NIBAN3: variants seen among roughly 807,000 people sequenced by gnomAD.
NIBAN3 encodes the protein protein Niban 3.
A neutral mutation model predicts 76.4 loss-of-function variants in NIBAN3; 66 were observed. That is an observed-to-expected ratio of 0.86 (90% confidence interval 0.71 to 1.06). The LOEUF is 1.06. Ranked by LOEUF, NIBAN3 falls within the 50% of genes least tolerant of loss-of-function variation. The probability of loss-of-function intolerance (pLI) is 0.00; values close to 1 mark genes in which losing one functional copy is unlikely to be tolerated. For missense variants in NIBAN3, 808 were observed against 810.7 expected (o/e 1.00, Z 0.04); for synonymous variants, 360 against 355.2 (o/e 1.01, Z -0.15).
chr19:17,551,402 C>CT (rs1233102448), intron 14 of NIBAN3, among the ~76,000 whole-genome samples: 1 of 150,014 alleles, frequency 6.7e-6, no homozygotes, highest in East Asian at 2.0e-4. Flanking sequence ...GCCTACATTT[C>CT]TTTTTTTTTA....
At chr19:17,526,486 A>C (rs1436648698), upstream of NIBAN3, among the ~76,000 whole-genome samples, 1 of 151,844 alleles carries the variant, frequency 6.6e-6, no homozygotes, top group Non-Finnish European at 1.5e-5. Flanking sequence ...GTCTACAAAA[A>C]ATACAAAAAT....
Position 17,552,954 on chromosome 19 carries a change from A to AAAC in NIBAN3, c.*1058_*1059insCAA, listed in dbSNP as rs2076178809. 7.6e-6 allele frequency: 1 copy of AAAC among 131,800 alleles called. No homozygotes were observed. The highest frequency in any genetic ancestry group is 2.5e-4 in the South Asian group (1 of 4,048). The allele number at this position is 131,800 out of a possible 1,614,324, so 8.2% of individuals were successfully genotyped here. A position where few individuals can be genotyped will look rare whatever the true frequency, so the allele number is the denominator to read the frequency against. On this transcript the variant is annotated 3_prime_UTR_variant, in exon 15 of 15. Coordinates refer to ENST00000599164, the MANE Select transcript of NIBAN3 (RefSeq NM_001321827.2). Reference sequence around the variant, plus strand: ...TAAATAAATAAATAAATAAATAAATAAAATTTAAAAGAAGCTGGGCTGAGA... The same window carrying AAAC: ...TAAATAAATAAATAAATAAATAAATAAACAAATTTAAAAGAAGCTGGGCTGAGA...
At position 17,533,945 on chromosome 19, in the gene NIBAN3, A is replaced by AAAAC. The variant is rs370655406; in HGVS notation, c.427+270_427+273dup. On this transcript the variant is annotated intron_variant, in intron 4 of 14. Coordinates refer to ENST00000599164, the MANE Select transcript of NIBAN3 (RefSeq NM_001321827.2). ...CTACGGGTGAGCATCCCTACTCTGG[A>AAAAC]AAACAAACAAACAAACAAACAAACA... is the stretch of plus-strand genomic sequence containing the variant. 3.4e-3 allele frequency among the ~76,000 whole-genome samples: 514 copies of AAAAC among 152,196 alleles called. 3 individuals are homozygous for AAAAC. The highest frequency in any genetic ancestry group is 0.012 in the East Asian group (61 of 5,184).
chr19:17,532,072 G>A (rs12974382), intron 2 of NIBAN3, among the ~76,000 whole-genome samples, 191 bp from the exon 3 acceptor site: 119,235 of 152,228 alleles, frequency 0.78, 47,546 homozygotes, highest in Middle Eastern at 0.91. Flanking sequence ...CTTCCCAGCT[G>A]TGCCCACCCA....
chr19:17,549,401 C>T (rs1350420752), intron 13 of NIBAN3, 43 bp from the exon 14 acceptor site: 1 of 1,399,790 alleles, frequency 7.1e-7, no homozygotes, highest in Non-Finnish European at 1.0e-6. Flanking sequence ...CCCCTTGATG[C>T]CTGGGCTTCC....
chr19:17,529,811 G>A (rs1044234986), intron 1 of NIBAN3, among the ~76,000 whole-genome samples: 1 of 152,152 alleles, frequency 6.6e-6, no homozygotes, highest in Non-Finnish European at 1.5e-5. Context: ...TGTATTCCCA[G>A]CGCTTTGAGA....
chr19:17,536,481 G>A lies in NIBAN3; in HGVS notation c.428-895G>A, dbSNP rs994815837. Among the ~76,000 whole-genome samples, 12 of 152,274 alleles carry A rather than the reference G, an allele frequency of 7.9e-5. No individual in the cohort carries two copies. The South Asian group carries it at 1.0e-3, about 13-fold the overall frequency. ...TGGGATTACAGGCATGACCCACCTC[G>A]CCTGGCCTGGATTGTTGGGTTTTAT... On this transcript the variant is annotated intron_variant, in intron 4 of 14. Transcript: ENST00000599164.
At chr19:17,543,116 T>G (rs1329957866) in intron 10 of NIBAN3, among the ~76,000 whole-genome samples, 1 of 152,158 alleles carries the variant, frequency 6.6e-6, no homozygotes, top group Non-Finnish European at 1.5e-5. Flanking sequence ...TCTGTCAGTT[T>G]GCACATAGTC....
At chr19:17,539,569 C>T in intron 7 of NIBAN3, 34 bp from the exon 8 acceptor site, 1 of 1,496,136 alleles carries the variant, frequency 6.7e-7, no homozygotes, top group Non-Finnish European at 9.0e-7. Context: ...CGCCCCGTGT[C>T]TCGGCTTTGT....
intron 13 of NIBAN3, among the ~76,000 whole-genome samples, chr19:17,548,433 G>A (rs768986763): frequency 6.6e-6 from 1 of 152,160 alleles, no homozygotes; most frequent in African/African-American, 2.4e-5. Flanking sequence ...ACAAAGGACA[G>A]GCCCGAGCAG....
chr19:17,538,738 GAAAGAAAGAGAA>G (rs2075875029), intron 5 of NIBAN3, among the ~76,000 whole-genome samples: 4 of 53,298 alleles, frequency 7.5e-5, no homozygotes, highest in African/African-American at 2.4e-4. Context: ...AAGCAAGAAA[GAAAGAAAGAGAA>G]AGAAAGAAAG....
upstream of NIBAN3, chr19:17,527,174 C>A: frequency 6.5e-7 from 1 of 1,529,298 alleles, no homozygotes; most frequent in South Asian, 1.2e-5. Flanking sequence ...CAACACGGGC[C>A]CCAGGGGAGT....
At chr19:17,524,184 C>T (rs1478934406), upstream of NIBAN3, among the ~76,000 whole-genome samples, 4 of 149,994 alleles carry the variant, frequency 2.7e-5, no homozygotes, top group Admixed American at 6.7e-5. Context: ...AACCACTGCG[C>T]CCAACTCCTC....
In NIBAN3 at chr19:17,539,415, G is replaced by C. The variant is rs894711133; in HGVS notation, c.780G>C (p.Arg260=). Residue 260 remains arginine (R), a synonymous_variant, in exon 7 of 15, where the codon CGG becomes CGC. Transcript: ENST00000599164. ...ALRAQTLPGL[R]GAGRARAWAW... is the part of the protein sequence containing the mutation. Reference sequence around the variant, plus strand: ...GAGCCCAGACCCTTCCTGGCCTGCGGGGGGCAGGCCGCGCCCGCGCCTGGG... The same window carrying C: ...GAGCCCAGACCCTTCCTGGCCTGCGCGGGGCAGGCCGCGCCCGCGCCTGGG... 9 of 1,523,870 alleles carry C rather than the reference G, an allele frequency of 5.9e-6. No homozygotes were observed. The highest frequency in any genetic ancestry group is 5.6e-5 in the African/African-American group (4 of 71,898). 94.4% of individuals were successfully genotyped at this position (1,523,870 alleles called of 1,614,324 possible).
At chr19:17,548,937 G>GT (rs937049312) in intron 13 of NIBAN3, among the ~76,000 whole-genome samples, 115 of 145,098 alleles carry the variant, frequency 7.9e-4, no homozygotes, top group South Asian at 7.2e-3. Flanking sequence ...AAAAAAAGTT[G>GT]TTTTTTTTTT....
upstream of NIBAN3, among the ~76,000 whole-genome samples, chr19:17,526,597 A>G (rs1317752735): frequency 6.6e-6 from 1 of 151,914 alleles, no homozygotes; most frequent in African/African-American, 2.4e-5. Flanking sequence ...GCAGTGAGCC[A>G]TGATCGTGCC....
In NIBAN3 at chr19:17,543,361, G is replaced by C. The variant is rs771337988; in HGVS notation, c.1374G>C (p.Gln458His). ...AVATFLQLAD[Q>H]CLTTALNCDQ... ...CCACCTTCCTGCAGCTGGCTGACCAGTGTCTGACGACGGCCCTCAACTGTG... is the reference window on the plus strand; with the variant it reads ...CCACCTTCCTGCAGCTGGCTGACCACTGTCTGACGACGGCCCTCAACTGTG... The change falls in exon 11 of 15, where the codon CAG becomes CAC. Residue 458 changes from glutamine to histidine, a missense_variant. Physicochemically the swap from Gln to His is conservative, Grantham distance 24. Coordinates refer to ENST00000599164, the MANE Select transcript of NIBAN3 (RefSeq NM_001321827.2). The C allele has an allele frequency of 3.8e-6, 6 of 1,594,074 alleles. No individual in the cohort carries two copies. Among genetic ancestry groups the C allele is most frequent in the Non-Finnish European group, 5.1e-6 (6 of 1,167,006 alleles).
At chr19:17,546,887 C>T (rs1462208937) in intron 13 of NIBAN3, 90 bp downstream of exon 13, 5 of 1,462,828 alleles carry the variant, frequency 3.4e-6, no homozygotes, top group Admixed American at 4.2e-5. Context: ...ACTCTCACTT[C>T]CTGTGAATAC....
chr19:17,536,057 G>A (rs1276832225), intron 4 of NIBAN3, among the ~76,000 whole-genome samples: 3 of 152,162 alleles, frequency 2.0e-5, no homozygotes, highest in Admixed American at 1.3e-4. Context: ...ACAGTTTCAC[G>A]CAGATTTTAG....
Sources: gnomAD v4.1 joint callset for allele counts (sites outside exome capture counted in the v4.1 genomes callset) on GRCh38, gnomAD v4.1.1 for gene constraint, MANE v1.5 for transcripts, NCBI Gene and HGNC (gene_info 2026-07-23, HGNC 2026-07-21) for gene names.